Variants in TASP1 observed in about 807,000 individuals in gnomAD.
TASP1 encodes threonine aspartase 1.
A neutral mutation model predicts 56.6 loss-of-function variants in TASP1; 16 were observed. That is an observed-to-expected ratio of 0.28 (90% CI 0.19 to 0.43). TASP1 has a LOEUF of 0.43. Ranked by LOEUF, TASP1 falls within the 20% of genes least tolerant of loss-of-function variation. TASP1 has a pLI of 1.00. For missense variants in TASP1, 393 were observed against 511.6 expected (o/e 0.77, Z 2.24); for synonymous variants, 179 against 184.2 (o/e 0.97, Z 0.23).
intron 8 of TASP1, among the ~76,000 whole-genome samples, chr20:13,541,470 C>A (rs1350224312): frequency 6.6e-6 from 1 of 152,106 alleles, no homozygotes; most frequent in Non-Finnish European, 1.5e-5. Flanking sequence ...AACACTACAA[C>A]CTGTCCTCCT....
chr20:13,299,206 C>T, the TASP1 span: 2 of 1,601,884 alleles, frequency 1.2e-6, no homozygotes, highest in Non-Finnish European at 8.5e-7. This position sits in a 1 kb window ranked among gnomAD's most constrained non-coding sequence, Gnocchi z 5.8. Context: ...ACCACGCTGG[C>T]GGCACAGCAC....
chr20:13,150,856 T>C, the TASP1 span, among the ~76,000 whole-genome samples: 2 of 152,224 alleles, frequency 1.3e-5, no homozygotes, highest in Non-Finnish European at 2.9e-5. Flanking sequence ...TCTAGCTTTT[T>C]GTGTGGTTAG....
At chr20:13,144,679 G>T in the TASP1 span, among the ~76,000 whole-genome samples, 1 of 152,230 alleles carries the variant, frequency 6.6e-6, no homozygotes, top group Non-Finnish European at 1.5e-5. Flanking sequence ...ACACACCACA[G>T]TTACCCAGTG....
At chr20:13,570,848 T>C (rs1324645330) in intron 6 of TASP1, among the ~76,000 whole-genome samples, 2 of 152,150 alleles carry the variant, frequency 1.3e-5, no homozygotes, top group African/African-American at 4.8e-5. Context: ...AAATTTGAAC[T>C]GTCCTGATGG....
chr20:13,189,134 T>A, the TASP1 span, among the ~76,000 whole-genome samples: 1 of 152,250 alleles, frequency 6.6e-6, no homozygotes, highest in Admixed American at 6.5e-5. Flanking sequence ...TGCGAATCGC[T>A]TATTGCTCAA....
At chr20:13,515,192 A>G (rs2044476196) in intron 10 of TASP1, among the ~76,000 whole-genome samples, 1 of 152,142 alleles carries the variant, frequency 6.6e-6, no homozygotes, top group South Asian at 2.1e-4. Flanking sequence ...CACTTCTTCC[A>G]ACACAATAAG....
chr20:13,612,257 C>T (rs1312855480), intron 4 of TASP1, among the ~76,000 whole-genome samples: 1 of 152,106 alleles, frequency 6.6e-6, no homozygotes, highest in African/African-American at 2.4e-5. Context: ...CTGATTATAA[C>T]AAATAAAATT....
chr20:13,449,539 A>T (rs2043538257), intron 11 of TASP1, among the ~76,000 whole-genome samples: 1 of 152,106 alleles, frequency 6.6e-6, no homozygotes, highest in Non-Finnish European at 1.5e-5. Context: ...CTTTGTTTTT[A>T]AGTAAGTAAA....
chr20:13,486,790 A>G (rs2043332605), intron 10 of TASP1, among the ~76,000 whole-genome samples: 1 of 152,184 alleles, frequency 6.6e-6, no homozygotes, highest in Non-Finnish European at 1.5e-5. Context: ...GCCCAAAAAA[A>G]ACTGTACTTG....
the TASP1 span, chr20:13,160,207 C>A: frequency 6.7e-7 from 1 of 1,483,166 alleles, no homozygotes; most frequent in Non-Finnish European, 9.0e-7. Context: ...GTTGAGACAG[C>A]TTGGGGTTCT....
chr20:13,342,227 A>C, the TASP1 span, among the ~76,000 whole-genome samples: 687 of 152,268 alleles, frequency 4.5e-3, 7 homozygotes, highest in Non-Finnish European at 3.3e-3. Flanking sequence ...TCCGCCCAAA[A>C]AGCCAGACAG....
At chr20:13,333,306 T>C in the TASP1 span, among the ~76,000 whole-genome samples, 2 of 152,210 alleles carry the variant, frequency 1.3e-5, no homozygotes, top group African/African-American at 2.4e-5. Flanking sequence ...TTTGAGATCA[T>C]TAACTACTTG....
intron 10 of TASP1, among the ~76,000 whole-genome samples, chr20:13,500,983 A>G (rs1251734898): frequency 6.6e-6 from 1 of 152,114 alleles, no homozygotes; most frequent in African/African-American, 2.4e-5. Flanking sequence ...TTAAAAACAC[A>G]TGGGAAAAAA....
chr20:13,424,341 C>T (rs935978907), intron 12 of TASP1, among the ~76,000 whole-genome samples: 3 of 152,260 alleles, frequency 2.0e-5, no homozygotes, highest in Non-Finnish European at 4.4e-5. Flanking sequence ...GTAGCATTTA[C>T]CATCAGTGAT....
the TASP1 span, among the ~76,000 whole-genome samples, chr20:13,371,290 G>A: frequency 1.3e-5 from 2 of 151,902 alleles, no homozygotes; most frequent in Non-Finnish European, 2.9e-5. Flanking sequence ...CTTTTTTAGC[G>A]TAGGCATTTA....
At chr20:13,286,593 G>A in the TASP1 span, among the ~76,000 whole-genome samples, 1 of 152,176 alleles carries the variant, frequency 6.6e-6, no homozygotes. Flanking sequence ...TCGGGGGGCA[G>A]ATAAGATGGG....
At chr20:13,475,034 A>G (rs1568850170) in intron 11 of TASP1, among the ~76,000 whole-genome samples, 1 of 152,166 alleles carries the variant, frequency 6.6e-6, no homozygotes, top group African/African-American at 2.4e-5. Context: ...TGTCAAACAC[A>G]TAAATAGAAC....
At chr20:13,408,947 T>C in intron 13 of TASP1, among the ~76,000 whole-genome samples, 1 of 151,976 alleles carries the variant, frequency 6.6e-6, no homozygotes, top group East Asian at 1.9e-4. Context: ...TTTGTTTTTC[T>C]CCATTTTAAA....
At chr20:13,512,386 T>G (rs909582615) in intron 10 of TASP1, among the ~76,000 whole-genome samples, 25 of 152,230 alleles carry the variant, frequency 1.6e-4, no homozygotes, top group Non-Finnish European at 3.1e-4. Flanking sequence ...ATGTGTCTGT[T>G]GGCTGCATAA....
Sources: allele counts gnomAD v4.1 joint callset (sites outside exome capture counted in the v4.1 genomes callset), GRCh38; gene constraint gnomAD v4.1.1; non-coding constraint Gnocchi (gnomAD v3.1); transcripts MANE v1.5; gene names NCBI Gene and HGNC (gene_info 2026-07-23, HGNC 2026-07-21).